The following STK3 variants were observed in gnomAD, a reference collection of about 807,000 sequenced individuals.
STK3 encodes serine/threonine kinase 3, also known as serine/threonine-protein kinase 3.
STK3 carries 41 observed loss-of-function variants against 58.0 expected under a neutral mutation model. That is an observed-to-expected ratio of 0.71 (90% CI 0.55 to 0.92). The LOEUF (loss-of-function observed/expected upper bound fraction) is 0.92, where lower values mean the gene tolerates loss of function less well. Ranked by LOEUF, STK3 falls within the 40% of genes least tolerant of loss-of-function variation. STK3 has a pLI of 0.00. For synonymous variants in STK3, 170 were observed against 191.0 expected (o/e 0.89, Z 0.91); for missense variants, 479 against 602.7 (o/e 0.79, Z 2.15).
intron 1 of STK3, among the ~76,000 whole-genome samples, chr8:98,910,066 GTAGT>G (rs1839069422): frequency 6.6e-6 from 1 of 152,152 alleles, no homozygotes; most frequent in Non-Finnish European, 1.5e-5. Flanking sequence ...GTATCTTATT[GTAGT>G]TTTGATTTGT....
chr8:98,512,327 G>T (rs1824584150), intron 10 of STK3, among the ~76,000 whole-genome samples: 4 of 152,122 alleles, frequency 2.6e-5, no homozygotes, highest in Admixed American at 6.6e-5. Context: ...GGTCTGAATT[G>T]TTCTAAGTTC....
chr8:98,494,305 TACTC>T (rs1285793854), intron 10 of STK3, among the ~76,000 whole-genome samples: 1 of 152,192 alleles, frequency 6.6e-6, no homozygotes, highest in African/African-American at 2.4e-5. Context: ...GGTACATTCT[TACTC>T]ATTCTTAGGT....
exon 2 of STK3, chr8:98,437,189 C>A (rs994641902): frequency 6.6e-6 from 1 of 152,236 alleles, no homozygotes; most frequent in Non-Finnish European, 1.5e-5. Context: ...AAAATCTGCA[C>A]GGGCCCAGTA....
intron 10 of STK3, among the ~76,000 whole-genome samples, chr8:98,504,308 A>C (rs1409538655): frequency 6.6e-6 from 1 of 152,152 alleles, no homozygotes; most frequent in African/African-American, 2.4e-5. Flanking sequence ...GGGTCTCCTG[A>C]ATACAGCACA....
At chr8:98,554,528 CATTGA>C (rs1469622555) in intron 8 of STK3, among the ~76,000 whole-genome samples, 1 of 152,090 alleles carries the variant, frequency 6.6e-6, no homozygotes, top group Non-Finnish European at 1.5e-5. Context: ...ATTGTAAAAA[CATTGA>C]ATTAAGTTTG....
At chr8:98,625,995 G>A (rs1031522400) in intron 6 of STK3, among the ~76,000 whole-genome samples, 1 of 152,160 alleles carries the variant, frequency 6.6e-6, no homozygotes, top group African/African-American at 2.4e-5. Flanking sequence ...TCATGGTAAT[G>A]ACTCTCTTTT....
chr8:98,796,179 C>G (rs561102756), intron 1 of STK3, among the ~76,000 whole-genome samples: 1 of 152,188 alleles, frequency 6.6e-6, no homozygotes, highest in East Asian at 1.9e-4. Context: ...AGGGCCTGAA[C>G]AGCCAAGGCA....
chr8:98,852,151 T>C (rs1048913054), intron 3 of STK3, among the ~76,000 whole-genome samples: 2 of 152,202 alleles, frequency 1.3e-5, no homozygotes, highest in Admixed American at 1.3e-4. Context: ...CTTTTTTTTT[T>C]TTTGTAACAG....
intron 3 of STK3, among the ~76,000 whole-genome samples, chr8:98,849,927 A>G (rs1239303930): frequency 6.6e-6 from 1 of 152,180 alleles, no homozygotes; most frequent in East Asian, 1.9e-4. Context: ...GGTTACTGAA[A>G]GGAAAATATG....
intron 1 of STK3, among the ~76,000 whole-genome samples, chr8:98,894,941 C>A (rs1241241411): frequency 6.6e-6 from 1 of 152,062 alleles, no homozygotes; most frequent in Non-Finnish European, 1.5e-5. Context: ...GATAGGAACT[C>A]ATTGAGTACC....
At chr8:98,777,732 G>A (rs965673456) in intron 1 of STK3, among the ~76,000 whole-genome samples, 4 of 152,180 alleles carry the variant, frequency 2.6e-5, no homozygotes, top group Non-Finnish European at 5.9e-5. Context: ...TAATGAGGCA[G>A]ACGATTCTCG....
intron 1 of STK3, among the ~76,000 whole-genome samples, chr8:98,803,726 CT>C (rs1421329127): frequency 5.3e-5 from 8 of 151,702 alleles, no homozygotes; most frequent in African/African-American, 1.7e-4. Context: ...ACTAATACTT[CT>C]AAAATGAATC....
chr8:98,603,832 T>G (rs185231188), intron 6 of STK3, among the ~76,000 whole-genome samples: 1 of 152,140 alleles, frequency 6.6e-6, no homozygotes, highest in East Asian at 1.9e-4. Context: ...TGTAGAGAGA[T>G]AGAATGAATA....
intron 10 of STK3, among the ~76,000 whole-genome samples, chr8:98,523,145 C>T (rs1234041544): frequency 1.3e-5 from 2 of 152,198 alleles, no homozygotes; most frequent in African/African-American, 4.8e-5. Flanking sequence ...CTACAACATA[C>T]TTCCACCAGC....
At chr8:98,916,050 C>T (rs538065940) in intron 1 of STK3, among the ~76,000 whole-genome samples, 1 of 152,180 alleles carries the variant, frequency 6.6e-6, no homozygotes, top group Admixed American at 6.5e-5. Context: ...CCTGCTTTGG[C>T]ATAACCCTGC....
At chr8:98,808,129 T>C (rs535655994) in intron 1 of STK3, among the ~76,000 whole-genome samples, 1 of 152,324 alleles carries the variant, frequency 6.6e-6, no homozygotes, top group South Asian at 2.1e-4. Flanking sequence ...AGAACAATAA[T>C]CAAATGAAAT....
chr8:98,672,994 C>T (rs1042565043), intron 6 of STK3, among the ~76,000 whole-genome samples: 1 of 152,090 alleles, frequency 6.6e-6, no homozygotes, highest in Non-Finnish European at 1.5e-5. Flanking sequence ...AAAAAATGCA[C>T]ATTTACTGAC....
intron 1 of STK3, among the ~76,000 whole-genome samples, chr8:98,449,196 C>T (rs1819085665): frequency 6.6e-6 from 1 of 152,104 alleles, no homozygotes; most frequent in African/African-American, 2.4e-5. Flanking sequence ...TGGTAATATT[C>T]CCATACAGAA....
chr8:98,558,147 C>A (rs561401495), intron 8 of STK3, among the ~76,000 whole-genome samples: 47 of 152,072 alleles, frequency 3.1e-4, no homozygotes, highest in African/African-American at 1.1e-3. Context: ...CTTATAAAAT[C>A]AAATATTTTA....
Sources: gnomAD v4.1 joint callset for allele counts (sites outside exome capture counted in the v4.1 genomes callset) on GRCh38, gnomAD v4.1.1 for gene constraint, MANE v1.5 for transcripts, NCBI Gene and HGNC (gene_info 2026-07-23, HGNC 2026-07-21) for gene names.